Variants in NYAP1 observed in about 807,000 individuals in gnomAD.
The protein encoded by NYAP1 is neuronal tyrosine-phosphorylated phosphoinositide-3-kinase adapter 1.
In NYAP1, 20 loss-of-function variants were observed where a neutral mutation model predicts 58.6. The ratio of observed to expected loss-of-function variants is 0.34; its 90% CI spans 0.24 to 0.50. NYAP1 has a LOEUF of 0.50. Ranked by LOEUF, NYAP1 falls within the 20% of genes least tolerant of loss-of-function variation. The pLI, the probability that NYAP1 is intolerant of heterozygous loss-of-function variation, is 0.98. For missense variants in NYAP1, 1,150 were observed against 1,194.5 expected (o/e 0.96, Z 0.55); for synonymous variants, 572 against 523.1 (o/e 1.09, Z -1.27).
rs571392404 is a variant in NYAP1, at chr7:100,485,044, C to A, written c.-84-184C>A. 3.7e-4 allele frequency among the ~76,000 whole-genome samples: 57 copies of A among 152,056 alleles called. No homozygotes were observed. The highest frequency in any genetic ancestry group is 1.3e-3 in the African/African-American group (55 of 41,456). On this transcript the variant is annotated intron_variant, in intron 1 of 6. Coordinates refer to ENST00000300179, the MANE Select transcript of NYAP1 (RefSeq NM_173564.4). The surrounding 1 kb of genome is among the most constrained non-coding windows in gnomAD (Gnocchi z 5.7). Reference sequence around the variant, plus strand: ...GAGTGTGTATTTGGGGCTCTGAACACCTTTGTCGGGGTCTGTGTCTGTCTG... The same window carrying A: ...GAGTGTGTATTTGGGGCTCTGAACAACTTTGTCGGGGTCTGTGTCTGTCTG...
intron 6 of NYAP1, among the ~76,000 whole-genome samples, 196 bp downstream of exon 6, chr7:100,491,291 T>C (rs1563189944): frequency 6.6e-6 from 1 of 151,900 alleles, no homozygotes. Flanking sequence ...ACCCTGTCTC[T>C]ATTTTTTCTT....
chr7:100,492,212 C>A (rs1407630457), intron 6 of NYAP1, among the ~76,000 whole-genome samples: 1 of 151,490 alleles, frequency 6.6e-6, no homozygotes, highest in Admixed American at 6.6e-5. Context: ...GCACTCCAGC[C>A]TGGGCGACAG....
rs929207046 is a variant in NYAP1 at position 100,490,096 on chromosome 7, T to G, written c.1946-421T>G. 2.6e-5 allele frequency among the ~76,000 whole-genome samples: 4 copies of G among 152,020 alleles called. No homozygotes were observed. The highest frequency in any genetic ancestry group is 5.9e-5 in the Non-Finnish European group (4 of 67,974). ...GCTCTGCCAGGCCTCCTCTCAGAGA[T>G]GAGCTTAGTTCACAGGCAGCCCTTC... On this transcript the variant is annotated intron_variant, in intron 4 of 6. Coordinates refer to ENST00000300179, the MANE Select transcript of NYAP1 (RefSeq NM_173564.4). The surrounding 1 kb of genome is among the most constrained non-coding windows in gnomAD (Gnocchi z 4.6).
intron 6 of NYAP1, among the ~76,000 whole-genome samples, chr7:100,492,218 G>A (rs1281485671): frequency 1.3e-5 from 2 of 150,896 alleles, no homozygotes; most frequent in Non-Finnish European, 3.0e-5. Context: ...CAGCCTGGGC[G>A]ACAGAGTTAG....
rs755336569 is a variant in NYAP1, at chr7:100,489,460, G to A, written c.1739G>A (p.Gly580Glu). The A allele has an allele frequency of 1.9e-6, 3 of 1,613,038 alleles. No homozygotes were observed. The highest frequency in any genetic ancestry group is 2.5e-6 in the Non-Finnish European group (3 of 1,179,904). The change falls in exon 4 of 7, where the codon GGG becomes GAG. Residue 580 changes from glycine to glutamate, a missense_variant. Coordinates refer to ENST00000300179, the MANE Select transcript of NYAP1 (RefSeq NM_173564.4). The stretch of plus-strand genomic sequence containing the variant: ...GTGCTGAATAAGGGCTGTGGTGTGG[G>A]GGCCCCATCCCCCATGGTCAAGATC... ...GGVLNKGCGV[G>E]APSPMVKIQL...
chr7:100,489,179 A>C lies in NYAP1; in HGVS notation c.1458A>C (p.Pro486=), dbSNP rs1182734875. The C allele has an allele frequency of 6.2e-7, 1 of 1,611,030 alleles. No homozygotes were observed. Among genetic ancestry groups the C allele is most frequent in the African/African-American group, 1.3e-5 (1 of 74,878 alleles). The change falls in exon 4 of 7, where the codon CCA becomes CCC. Residue 486 remains proline, a synonymous_variant. Transcript: ENST00000300179. ...GTCCACCCCTGGGTGCTGGGGAGCC[A>C]AAGACGGAGAAGGAGATCTCGGTCC... ...PAGPPLGAGE[P]KTEKEISVLH...
chr7:100,487,034 C>T lies in NYAP1; in HGVS notation c.282C>T (p.Val94=), dbSNP rs201580858. ...SCHSVGSMDS[V]GGGPGGASGG... The stretch of plus-strand genomic sequence containing the variant: ...ACTCGGTGGGCAGCATGGACAGTGT[C>T]GGGGGTGGCCCTGGCGGGGCCAGTG... The change falls in exon 3 of 7, where the codon GTC becomes GTT. Residue 94 remains valine, a synonymous_variant. Coordinates refer to ENST00000300179, the MANE Select transcript of NYAP1 (RefSeq NM_173564.4). This position sits in a 1 kb window ranked among gnomAD's most constrained non-coding sequence, Gnocchi z 4.1. 4.6e-5 allele frequency: 74 copies of T among 1,605,168 alleles called. 1 individual carries two copies. The East Asian group carries it at 1.1e-3, about 24-fold the overall frequency.
Position 100,490,014 on chromosome 7 carries a change from C to A in NYAP1, c.1945+348C>A, listed in dbSNP as rs533795352. 6.6e-6 allele frequency among the ~76,000 whole-genome samples: 1 copy of A among 152,022 alleles called. No homozygotes were observed. The highest frequency in any genetic ancestry group is 2.1e-4 in the South Asian group (1 of 4,826). On this transcript the variant is annotated intron_variant, in intron 4 of 6. Transcript: ENST00000300179. This position sits in a 1 kb window ranked among gnomAD's most constrained non-coding sequence, Gnocchi z 4.6. Reference sequence around the variant, plus strand: ...GCCTCCCAGCTGTTACCATGGCAACCCATCCAGACAGGAGGGAGAGGAGAG... The same window carrying A: ...GCCTCCCAGCTGTTACCATGGCAACACATCCAGACAGGAGGGAGAGGAGAG...
chr7:100,487,094 C>T lies in NYAP1; in HGVS notation c.342C>T (p.Pro114=). The change falls in exon 3 of 7, where the codon CCC becomes CCT. Residue 114 remains proline, a synonymous_variant. Coordinates refer to ENST00000300179, the MANE Select transcript of NYAP1 (RefSeq NM_173564.4). The surrounding 1 kb of genome is among the most constrained non-coding windows in gnomAD (Gnocchi z 4.1). ...GLTEDSSTRR[P]PAKPRRHPST... ...CAGAGGACAGCAGCACCCGAAGACC[C>T]CCTGCCAAGCCCCGGAGACACCCCA... The T allele has an allele frequency of 6.3e-7, 1 of 1,592,004 alleles. No homozygotes were observed.
rs746353446 is a variant in NYAP1, at chr7:100,489,262, A to G, written c.1541A>G (p.His514Arg). ...CCTGTGCCAGGGAAGACCAGCCCCC[A>G]CGGTGGGGCCATGGGCGCAGCAGCT... ...RPPVPGKTSP[H>R]GGAMGAAAGV... Residue 514 changes from histidine (H) to arginine (R), a missense_variant, in exon 4 of 7, where the codon CAC (histidine) becomes CGC (arginine). By Grantham distance (29) the His-to-Arg change is conservative. Coordinates refer to ENST00000300179, the MANE Select transcript of NYAP1 (RefSeq NM_173564.4). 2 of 1,602,528 alleles carry G rather than the reference A, an allele frequency of 1.2e-6. No homozygotes were observed. The highest frequency in any genetic ancestry group is 2.7e-5 in the African/African-American group (2 of 74,636).
Position 100,488,056 on chromosome 7 carries a change from G to A in NYAP1, c.431-96G>A. The A allele has an allele frequency of 1.2e-6, 1 of 840,162 alleles. No individual in the cohort carries two copies. Among genetic ancestry groups the A allele is most frequent in the East Asian group, 2.6e-5 (1 of 38,266 alleles). 52.0% of individuals were successfully genotyped at this position (840,162 alleles called of 1,614,324 possible). ...GTGGGGAAAAGGAAGAGGCAGATATGTCCTTGCAGAAGGGTCAAGGGATCA... is the reference window on the plus strand; with the variant it reads ...GTGGGGAAAAGGAAGAGGCAGATATATCCTTGCAGAAGGGTCAAGGGATCA... On this transcript the variant is annotated intron_variant, in intron 3 of 6. Transcript: ENST00000300179. The surrounding 1 kb of genome is among the most constrained non-coding windows in gnomAD (Gnocchi z 5.9).
Position 100,489,017 on chromosome 7 carries a change from C to T in NYAP1, c.1296C>T (p.Cys432=), listed in dbSNP as rs1464213740. ...TCCCCAACTCCCACAGCATGATCTGCCCTAAGGCGGCGGGGGCGCCGGCAG... is the reference window on the plus strand; with the variant it reads ...TCCCCAACTCCCACAGCATGATCTGTCCTAAGGCGGCGGGGGCGCCGGCAG... ...RELPNSHSMI[C]PKAAGAPAAP... is the part of the protein sequence containing the mutation. Residue 432 remains cysteine, a synonymous_variant, in exon 4 of 7, where the codon TGC becomes TGT. Coordinates refer to ENST00000300179, the MANE Select transcript of NYAP1 (RefSeq NM_173564.4). 4 of 1,564,572 alleles carry T rather than the reference C, an allele frequency of 2.6e-6. No homozygotes were observed. The South Asian group carries it at 4.6e-5, about 18-fold the overall frequency.
rs748304110 is a variant in NYAP1, at chr7:100,488,249, C to T, written c.528C>T (p.Phe176=). 1.4e-5 allele frequency: 23 copies of T among 1,613,854 alleles called. No homozygotes were observed. Among genetic ancestry groups the T allele is most frequent in the South Asian group, 2.2e-5 (2 of 91,076 alleles). ...CTAACACCCAGCTCTCTGTCTCCTTCGATGAGTCCTGCCCCCCAGGCCCCT... is the reference window on the plus strand; with the variant it reads ...CTAACACCCAGCTCTCTGTCTCCTTTGATGAGTCCTGCCCCCCAGGCCCCT... The part of the protein sequence containing the change: ...RSPNTQLSVS[F]DESCPPGPSP... Residue 176 remains phenylalanine, a synonymous_variant, in exon 4 of 7, where the codon TTC becomes TTT. Transcript: ENST00000300179. This position sits in a 1 kb window ranked among gnomAD's most constrained non-coding sequence, Gnocchi z 5.9.
chr7:100,489,694 G>T, intron 4 of NYAP1, 28 bp downstream of exon 4: 1 of 1,069,142 alleles, frequency 9.4e-7, no homozygotes. Context: ...AGTGGGGGCT[G>T]GCATCAGGGG....
At position 100,489,385 on chromosome 7, in the gene NYAP1, C is replaced by T. The variant is rs1452830379; in HGVS notation, c.1664C>T (p.Ala555Val). ...LTPLWTYPAT[A>V]AGLKRPPAYE... ...CCGCTGTGGACCTACCCAGCCACAGCAGCTGGGCTCAAGAGACCCCCTGCC... is the reference window on the plus strand; with the variant it reads ...CCGCTGTGGACCTACCCAGCCACAGTAGCTGGGCTCAAGAGACCCCCTGCC... The change falls in exon 4 of 7, where the codon GCA (alanine) becomes GTA (valine). Residue 555 changes from alanine (A) to valine (V), a missense_variant. Transcript: ENST00000300179. The T allele has an allele frequency of 3.1e-6, 5 of 1,612,878 alleles. No individual in the cohort carries two copies. Among genetic ancestry groups the T allele is most frequent in the South Asian group, 1.1e-5 (1 of 91,072 alleles).
rs576576869 is a variant in NYAP1 at position 100,485,385 on chromosome 7, G to C, written c.68+6G>C. On this transcript the variant is annotated splice_donor_region_variant and intron_variant, in intron 2 of 6. Coordinates refer to ENST00000300179, the MANE Select transcript of NYAP1 (RefSeq NM_173564.4). This position sits in a 1 kb window ranked among gnomAD's most constrained non-coding sequence, Gnocchi z 5.7. ...GAAGAGGAGGCCAAGAGGAGGTAAG[G>C]CTGCACCCCAGACTGCTCCCTTCCC... The C allele has an allele frequency of 1.3e-6, 2 of 1,594,954 alleles. No homozygotes were observed. The highest frequency in any genetic ancestry group is 2.3e-5 in the East Asian group (1 of 44,272).
intron 1 of NYAP1, among the ~76,000 whole-genome samples, chr7:100,484,578 A>G (rs1336418929): frequency 6.6e-6 from 1 of 152,038 alleles, no homozygotes; most frequent in African/African-American, 2.4e-5. Context: ...TAGATACCCA[A>G]CTCAGGGTGT....
chr7:100,484,699 C>T (rs566396464), intron 1 of NYAP1, among the ~76,000 whole-genome samples: 29 of 152,168 alleles, frequency 1.9e-4, no homozygotes, highest in Admixed American at 3.9e-4. Context: ...GTGCAATGTA[C>T]GCAAGTAGGC....
rs1474575791 is a variant in NYAP1, at chr7:100,490,491, C to T, written c.1946-26C>T. 1 of 1,559,570 alleles carries T rather than the reference C, an allele frequency of 6.4e-7. No individual in the cohort carries two copies. Among genetic ancestry groups the T allele is most frequent in the Admixed American group, 1.9e-5 (1 of 52,110 alleles). On this transcript the variant is annotated intron_variant, in intron 4 of 6. Transcript: ENST00000300179. The surrounding 1 kb of genome is among the most constrained non-coding windows in gnomAD (Gnocchi z 4.6). The stretch of plus-strand genomic sequence containing the variant: ...GAATGACGCCTCCAACATGCAGGCA[C>T]ACAGCTCTCCTTGTCATCCCAGCAG...
Sources: allele counts gnomAD v4.1 joint callset (sites outside exome capture counted in the v4.1 genomes callset), GRCh38; gene constraint gnomAD v4.1.1; non-coding constraint Gnocchi (gnomAD v3.1); transcripts MANE v1.5; gene names NCBI Gene and HGNC (gene_info 2026-07-23, HGNC 2026-07-21).